GPC4: variants seen among roughly 807,000 people sequenced by gnomAD.
GPC4 encodes the protein glypican-4.
In GPC4, 10 loss-of-function variants were observed where a neutral mutation model predicts 35.0. The observed-to-expected ratio is 0.29, with a 90% CI of 0.18 to 0.48. GPC4 has a LOEUF of 0.48. GPC4 is among the 20% of genes least tolerant of loss of function. The pLI is 0.99. For missense variants in GPC4, 322 were observed against 451.3 expected (o/e 0.71, Z 2.60); for synonymous variants, 167 against 170.2 (o/e 0.98, Z 0.15).
At chrX:133,303,140 C>T (rs1405113678) in intron 8 of GPC4, 26 bp downstream of exon 8, 4 of 1,208,085 alleles carry the variant, frequency 3.3e-6, no homozygotes, top group South Asian at 3.5e-5. Context: ...AAGAGCAATT[C>T]GTACTTTCAA....
At chrX:133,374,070 C>T (rs1459444615) in intron 1 of GPC4, among the ~76,000 whole-genome samples, 1 of 110,986 alleles carries the variant, frequency 9.0e-6, no homozygotes, top group Admixed American at 9.6e-5. Context: ...TACTAAAAAC[C>T]ACTGAATTGT....
chrX:133,340,424 A>G (rs898528527), intron 1 of GPC4, among the ~76,000 whole-genome samples: 5 of 111,868 alleles, frequency 4.5e-5, no homozygotes, highest in Non-Finnish European at 7.5e-5. Flanking sequence ...TCCTTCTGCT[A>G]TTGCTGTCCA....
rs2068271357 is a variant in GPC4, at chrX:133,302,581, T to C, written c.*286A>G. The stretch of plus-strand genomic sequence containing the variant: ...GAGAAAAAAACATACAAACAAATAA[T>C]AGAGTGATAAAATCACAAATGCACA... On this transcript the variant is annotated 3_prime_UTR_variant, in exon 9 of 9. Coordinates refer to ENST00000370828, the MANE Select transcript of GPC4 (RefSeq NM_001448.3). 1 of 262,714 alleles carries C rather than the reference T, an allele frequency of 3.8e-6. No individual in the cohort carries two copies. Among genetic ancestry groups the C allele is most frequent in the South Asian group, 1.6e-4 (1 of 6,313 alleles). 21.7% of individuals were successfully genotyped at this position (262,714 alleles called of 1,213,427 possible).
Position 133,314,639 on chromosome X carries a change from G to T in GPC4, c.712-3216C>A, listed in dbSNP as rs2266796. ...GGAAGTTATAAGAAAAATGGAAAGA[G>T]AAAGGACATATAAAATATCAAAGTT... On this transcript the variant is annotated intron_variant, in intron 3 of 8. Coordinates refer to ENST00000370828, the MANE Select transcript of GPC4 (RefSeq NM_001448.3). Among the ~76,000 whole-genome samples, 1,390 of 111,508 alleles carry T rather than the reference G, an allele frequency of 0.012. 96 individuals are homozygous for T. In the East Asian group the frequency reaches 0.27, roughly 21 times the overall value.
rs140863733 is a variant in GPC4, at chrX:133,349,406, C to A, written c.161-10065G>T. Among the ~76,000 whole-genome samples the A allele has an allele frequency of 4.1e-4, 46 of 112,390 alleles. 4 individuals are homozygous for A. The highest frequency in any genetic ancestry group is 2.8e-3 in the Admixed American group (30 of 10,669). ...TTCCAAATAATCTCTAAAGAAGATC[C>A]TGGGAATCTCATTCTCAGATAGCCT... On this transcript the variant is annotated intron_variant, in intron 1 of 8. Transcript: ENST00000370828.
At chrX:133,310,193 G>A (rs1169009385) in intron 4 of GPC4, among the ~76,000 whole-genome samples, 3 of 110,996 alleles carry the variant, frequency 2.7e-5, no homozygotes, top group Non-Finnish European at 5.7e-5. Context: ...AAAAAACCAA[G>A]CCAGAATACT....
At chrX:133,308,151 C>G in intron 4 of GPC4, among the ~76,000 whole-genome samples, 1 of 112,133 alleles carries the variant, frequency 8.9e-6, no homozygotes, top group Non-Finnish European at 1.9e-5. Context: ...GTAACAGCAG[C>G]CAGCCCTGAT....
chrX:133,387,167 A>C (rs762862194), intron 1 of GPC4, among the ~76,000 whole-genome samples: 16 of 112,464 alleles, frequency 1.4e-4, no homozygotes, highest in African/African-American at 5.2e-4. Flanking sequence ...TATCAGCCTC[A>C]GTTCACAAGA....
chrX:133,303,322 C>T lies in GPC4; in HGVS notation c.1312G>A (p.Gly438Arg). 1 of 1,209,417 alleles carries T rather than the reference C, an allele frequency of 8.3e-7. No individual in the cohort carries two copies. Among genetic ancestry groups the T allele is most frequent in the Non-Finnish European group, 1.1e-6 (1 of 894,365 alleles). ...TTGCCCTGGTTGGCTAATCCATTTC[C>T]TGTCACTGCAAACAGGTACCTGGAA... The part of the protein sequence containing the change: ...GKSRYLFAVT[G>R]NGLANQGNNP... Residue 438 changes from glycine to arginine, a missense_variant, in exon 8 of 9, where the codon GGA (glycine) becomes AGA (arginine). By Grantham distance (125) the Gly-to-Arg change is moderately radical (BLOSUM62 -2). Around this residue, in one of 3 missense-constraint regions of GPC4, gnomAD observed 99 missense variants for 110.0 expected, o/e 0.90. Coordinates refer to ENST00000370828, the MANE Select transcript of GPC4 (RefSeq NM_001448.3).
intron 3 of GPC4, among the ~76,000 whole-genome samples, chrX:133,317,981 C>T (rs979757966): frequency 3.6e-5 from 4 of 112,185 alleles, no homozygotes; most frequent in African/African-American, 1.3e-4. Context: ...AAAATTGAAG[C>T]TTCATAAATA....
At chrX:133,326,591 C>G (rs1293878676) in intron 2 of GPC4, among the ~76,000 whole-genome samples, 1 of 112,190 alleles carries the variant, frequency 8.9e-6, no homozygotes. Context: ...AACAACTGCT[C>G]TAGCTGCTGA....
rs1129980 is a variant in GPC4, at chrX:133,304,844, C to A, written c.1173G>T (p.Glu391Asp). 377,086 of 1,207,496 alleles carry A rather than the reference C, an allele frequency of 0.31. 42,163 individuals are homozygous for A. The highest frequency in any genetic ancestry group is 0.6 in the African/African-American group (34,002 of 56,644). ...AGAATTTCTTGGCCTGTTTCAGTTT[C>A]TCCTTGACATCAGTAACCTAATTAT... ...SLDRLVTDVK[E>D]KLKQAKKFWS... The change falls in exon 7 of 9, where the codon GAG (glutamate) becomes GAT (aspartate). Residue 391 changes from glutamate to aspartate, a missense_variant. Physicochemically the swap from Glu to Asp is conservative, Grantham distance 45 (BLOSUM62 2). Around this residue, in one of 3 missense-constraint regions of GPC4, gnomAD observed 163 missense variants for 277.2 expected, o/e 0.59. Coordinates refer to ENST00000370828, the MANE Select transcript of GPC4 (RefSeq NM_001448.3).
rs148905690 is a variant in GPC4 at position 133,309,576 on chromosome X, G to A, written c.877+1682C>T. 6.5e-3 allele frequency among the ~76,000 whole-genome samples: 739 copies of A among 112,945 alleles called. 8 individuals are homozygous for A. The highest frequency in any genetic ancestry group is 0.022 in the African/African-American group (696 of 31,192). ...TGCCCTTCTGCATTCCATTCCCAAT[G>A]TGTCTGTAGAAAAGTCAGCAGAATT... On this transcript the variant is annotated intron_variant, in intron 4 of 8. Coordinates refer to ENST00000370828, the MANE Select transcript of GPC4 (RefSeq NM_001448.3).
At chrX:133,395,814 C>T (rs916073618) in intron 1 of GPC4, among the ~76,000 whole-genome samples, 2 of 110,419 alleles carry the variant, frequency 1.8e-5, no homozygotes, top group South Asian at 3.9e-4. Context: ...AAGCAATTAG[C>T]GGGCTGATGA....
intron 4 of GPC4, among the ~76,000 whole-genome samples, chrX:133,310,541 T>C (rs5977852): frequency 1.8e-5 from 2 of 110,511 alleles, no homozygotes; most frequent in South Asian, 3.9e-4. Flanking sequence ...GGAATATATA[T>C]GCAGGAATAT....
At chrX:133,359,303 G>A (rs2068555941) in intron 1 of GPC4, among the ~76,000 whole-genome samples, 1 of 111,403 alleles carries the variant, frequency 9.0e-6, no homozygotes, top group African/African-American at 3.3e-5. Context: ...AAAGGGGAAA[G>A]AAAAAAACTT....
chrX:133,362,899 A>T (rs933242538), intron 1 of GPC4, among the ~76,000 whole-genome samples: 3 of 111,864 alleles, frequency 2.7e-5, no homozygotes, highest in African/African-American at 9.8e-5. Flanking sequence ...GCTGTCTCCC[A>T]CTACAAAGAA....
At position 133,385,519 on chromosome X, in the gene GPC4, G is replaced by A. The variant is rs962680851; in HGVS notation, c.160+29287C>T. 6.3e-5 allele frequency among the ~76,000 whole-genome samples: 7 copies of A among 111,823 alleles called. No individual in the cohort carries two copies. In the South Asian group the frequency reaches 2.6e-3, roughly 41 times the overall value. On this transcript the variant is annotated intron_variant, in intron 1 of 8. Coordinates refer to ENST00000370828, the MANE Select transcript of GPC4 (RefSeq NM_001448.3). Reference sequence around the variant, plus strand: ...CATATGGTGCTTAAAGCATCTTCACGTATATTATCATTTTATTTTGTCTGC... The same window carrying A: ...CATATGGTGCTTAAAGCATCTTCACATATATTATCATTTTATTTTGTCTGC...
At chrX:133,313,997 C>T (rs1049810732) in intron 3 of GPC4, among the ~76,000 whole-genome samples, 6 of 112,007 alleles carry the variant, frequency 5.4e-5, no homozygotes, top group African/African-American at 1.9e-4. Context: ...GAATATTATG[C>T]TTAAGAGGAG....
Sources: allele counts gnomAD v4.1 joint callset (sites outside exome capture counted in the v4.1 genomes callset), GRCh38; gene constraint gnomAD v4.1.1; regional missense constraint gnomAD v4.1.1; transcripts MANE v1.5; gene names NCBI Gene and HGNC (gene_info 2026-07-23, HGNC 2026-07-21).